The following ATM variants were observed in gnomAD, a reference collection of about 807,000 sequenced individuals.
ATM encodes serine-protein kinase ATM.
ATM carries 308 observed loss-of-function variants against 387.0 expected under a neutral mutation model. The ratio of observed to expected loss-of-function variants is 0.80; its 90% CI spans 0.73 to 0.87. The LOEUF is 0.87. Among genes scored for constraint, ATM ranks in the 40% least tolerant of loss-of-function variants. ATM has a pLI of 0.00. For synonymous variants in ATM, 1,156 were observed against 1,187.3 expected (o/e 0.97, Z 0.54); for missense variants, 3,312 against 3,560.9 (o/e 0.93, Z 1.78).
chr11:108,335,136 C>T (rs1445540479), intron 55 of ATM, 27 bp downstream of exon 55: 15 of 1,613,496 alleles, frequency 9.3e-6, no homozygotes, highest in African/African-American at 1.3e-5. Flanking sequence ...CTGGCTTAGC[C>T]CTTAGAGTTT....
intron 20 of ATM, 127 bp downstream of exon 20, chr11:108,271,533 C>A: frequency 8.5e-7 from 1 of 1,173,604 alleles, no homozygotes; most frequent in Non-Finnish European, 1.3e-6. Context: ...TTAAGAATAG[C>A]AGAATGTAAT....
chr11:108,265,313 C>T (rs189429673), intron 16 of ATM, among the ~76,000 whole-genome samples: 2 of 152,026 alleles, frequency 1.3e-5, no homozygotes, highest in African/African-American at 2.4e-5. Flanking sequence ...GAACAGAGCC[C>T]TCAGAAATAA....
At chr11:108,229,108 A>C in intron 3 of ATM, 70 bp from the exon 4 acceptor site, 1 of 1,509,232 alleles carries the variant, frequency 6.6e-7, no homozygotes, top group South Asian at 1.2e-5. Flanking sequence ...TGATGGCATG[A>C]ACAGCTTTTG....
At chr11:108,352,926 G>A (rs1466986175) in intron 59 of ATM, among the ~76,000 whole-genome samples, 3 of 152,136 alleles carry the variant, frequency 2.0e-5, no homozygotes, top group African/African-American at 4.8e-5. Context: ...GGGTCAGAGG[G>A]CTGGGTGATA....
intron 8 of ATM, among the ~76,000 whole-genome samples, chr11:108,248,615 G>A (rs1041293489): frequency 3.3e-5 from 5 of 151,926 alleles, no homozygotes; most frequent in African/African-American, 2.4e-5. Context: ...TTGGCCAGGC[G>A]TGGTGGCTCA....
At chr11:108,278,364 A>G (rs947959531) in intron 22 of ATM, among the ~76,000 whole-genome samples, 7 of 152,226 alleles carry the variant, frequency 4.6e-5, no homozygotes, top group African/African-American at 7.2e-5. Flanking sequence ...GGACTGAGGT[A>G]ATATAAGACT....
At chr11:108,258,017 C>T (rs1005268678) in intron 15 of ATM, among the ~76,000 whole-genome samples, 1 of 152,142 alleles carries the variant, frequency 6.6e-6, no homozygotes, top group South Asian at 2.1e-4. Flanking sequence ...CCACCTCAGC[C>T]TCCTTAGTAG....
chr11:108,255,422 CTTTTTT>C (rs538304080), intron 13 of ATM, among the ~76,000 whole-genome samples: 3 of 85,434 alleles, frequency 3.5e-5, no homozygotes, highest in African/African-American at 4.5e-5. Context: ...ATTGTCTAAA[CTTTTTT>C]TTTTTTTTTT....
At chr11:108,325,922 A>G in intron 46 of ATM, 136 bp from the exon 47 acceptor site, 4 of 1,057,480 alleles carry the variant, frequency 3.8e-6, no homozygotes, top group Non-Finnish European at 5.6e-6. Context: ...ATGCAGACAG[A>G]GAGGTCCTTA....
chr11:108,317,145 T>TC (rs1228207650), intron 42 of ATM, among the ~76,000 whole-genome samples: 2 of 151,252 alleles, frequency 1.3e-5, no homozygotes, highest in African/African-American at 2.4e-5. Flanking sequence ...TGGTTTGTTG[T>TC]CCAGGCTGGT....
At chr11:108,335,380 G>GA (rs1225184596) in intron 55 of ATM, 95 of 1,000,208 alleles carry the variant, frequency 9.5e-5, no homozygotes, top group South Asian at 3.6e-4. Flanking sequence ...TGCTTCTTAT[G>GA]AAAAAAAATA....
chr11:108,332,700 A>C, intron 52 of ATM, 62 bp from the exon 53 acceptor site: 2 of 1,549,064 alleles, frequency 1.3e-6, no homozygotes, highest in Non-Finnish European at 1.8e-6. Context: ...TGTTTTTCTA[A>C]CTCTGAGAAG....
chr11:108,268,705 A>G (rs1270371486), intron 18 of ATM, 96 bp downstream of exon 18: 2 of 1,355,896 alleles, frequency 1.5e-6, no homozygotes, highest in South Asian at 1.2e-5. Flanking sequence ...GTGTCTTTGA[A>G]GAATTGAAAT....
At position 108,331,925 on chromosome 11, in the gene ATM, T is replaced by C; in HGVS notation, c.7676T>C (p.Ile2559Thr). Residue 2559 changes from isoleucine to threonine, a missense_variant, in exon 52 of 63, where the codon ATT (isoleucine) becomes ACT (threonine). Around this residue, in one of 4 missense-constraint regions of ATM, gnomAD observed 1,405 missense variants for 1,604.4 expected, o/e 0.88. Transcript: ENST00000675843. ...GATCACCCCCATCACACTTTGTTTA[T>C]TATACTGGCCTTAGCAAATGCAAAC... ...SMDHPHHTLFIILALANANRD... is the reference protein window; with the variant it reads ...SMDHPHHTLFTILALANANRD... The C allele has an allele frequency of 1.9e-6, 3 of 1,614,010 alleles. No individual in the cohort carries two copies. Among genetic ancestry groups the C allele is most frequent in the Non-Finnish European group, 2.5e-6 (3 of 1,179,888 alleles).
intron 13 of ATM, among the ~76,000 whole-genome samples, chr11:108,255,960 G>C (rs1015526143): frequency 1.3e-5 from 2 of 151,830 alleles, no homozygotes; most frequent in African/African-American, 4.8e-5. Context: ...TATGTGTACA[G>C]TACACCCTCC....
rs764080545 is a variant in ATM at position 108,244,045 on chromosome 11, G to A, written c.589G>A (p.Gly197Arg). The A allele has an allele frequency of 6.2e-7, 1 of 1,613,384 alleles. No homozygotes were observed. The highest frequency in any genetic ancestry group is 8.5e-7 in the Non-Finnish European group (1 of 1,179,822). The change falls in exon 6 of 63, where the codon GGA becomes AGA. Residue 197 changes from glycine to arginine, a missense_variant. This residue lies in a region of ATM where 1,791 missense variants were observed against 1,804.5 expected (regional missense o/e 0.99). Coordinates refer to ENST00000675843, the MANE Select transcript of ATM (RefSeq NM_000051.4). ...TAGAATAATTCATGCTGTTACCAAA[G>A]GATGCTGTTCTCAGACTGACGGATT... ...VARIIHAVTK[G>R]CCSQTDGLNS...
rs372679141 is a variant in ATM at position 108,297,349 on chromosome 11, G to C, written c.4972G>C (p.Ala1658Pro). The C allele has an allele frequency of 6.2e-7, 1 of 1,613,964 alleles. No homozygotes were observed. The highest frequency in any genetic ancestry group is 8.5e-7 in the Non-Finnish European group (1 of 1,179,930). Residue 1658 changes from alanine (A) to proline (P), a missense_variant, in exon 33 of 63, where the codon GCA becomes CCA. Physicochemically the swap from Ala to Pro is conservative, Grantham distance 27. Coordinates refer to ENST00000675843, the MANE Select transcript of ATM (RefSeq NM_000051.4). ...VVNLLQLSKM[A>P]INHTGEKEVL... ...CAATTTGTTGCAGTTATCCAAGATGGCAATAAACCACACTGGTGAAAAAGA... is the reference window on the plus strand; with the variant it reads ...CAATTTGTTGCAGTTATCCAAGATGCCAATAAACCACACTGGTGAAAAAGA...
Position 108,231,238 on chromosome 11 carries a change from T to C in ATM, c.331+1915T>C, listed in dbSNP as rs2078998199. On this transcript the variant is annotated intron_variant, in intron 4 of 62. Transcript: ENST00000675843. ...CATCTTTAACTTGTACAATTAATAT[T>C]GTGAAGAGTTGATTTTTCGGAACCA... is the stretch of plus-strand genomic sequence containing the variant. Among the ~76,000 whole-genome samples, 3 of 152,318 alleles carry C rather than the reference T, an allele frequency of 2.0e-5. No homozygotes were observed. In the South Asian group the frequency reaches 6.2e-4, roughly 32 times the overall value.
chr11:108,313,413 T>TC (rs1445019222), intron 40 of ATM, among the ~76,000 whole-genome samples: 1 of 152,118 alleles, frequency 6.6e-6, no homozygotes, highest in Non-Finnish European at 1.5e-5. Context: ...TGTCTGCATT[T>TC]CCCCCCCTTC....
Sources: allele counts gnomAD v4.1 joint callset (sites outside exome capture counted in the v4.1 genomes callset), GRCh38; gene constraint gnomAD v4.1.1; regional missense constraint gnomAD v4.1.1; transcripts MANE v1.5; gene names NCBI Gene and HGNC (gene_info 2026-07-23, HGNC 2026-07-21).